SPAG16: variants seen among roughly 807,000 people sequenced by gnomAD.
SPAG16 encodes the protein sperm associated antigen 16.
SPAG16 carries 86 observed loss-of-function variants against 80.4 expected under a neutral mutation model. The ratio of observed to expected loss-of-function variants is 1.07; its 90% confidence interval spans 0.90 to 1.28. SPAG16 has a LOEUF of 1.28. Ranked by LOEUF, SPAG16 falls within the 50% of genes most tolerant of loss-of-function variation. The pLI, the probability that SPAG16 is intolerant of heterozygous loss-of-function variation, is 0.00. For synonymous variants in SPAG16, 294 were observed against 265.9 expected (o/e 1.11, Z -1.03); for missense variants, 870 against 765.3 (o/e 1.14, Z -1.61).
At chr2:213,980,759 G>GAGAGAGA (rs2045703363) in intron 12 of SPAG16, among the ~76,000 whole-genome samples, 1 of 140,090 alleles carries the variant, frequency 7.1e-6, no homozygotes, top group African/African-American at 2.7e-5. Flanking sequence ...GAGAGAGAGA[G>GAGAGAGA]TAAGCTGGGT....
At chr2:214,217,564 TC>T (rs1192976101) in intron 15 of SPAG16, among the ~76,000 whole-genome samples, 4 of 152,192 alleles carry the variant, frequency 2.6e-5, no homozygotes, top group African/African-American at 9.7e-5. Flanking sequence ...ATCCCACCAC[TC>T]TTAAGAGTAC....
chr2:213,496,015 G>A (rs1207019079), intron 10 of SPAG16, among the ~76,000 whole-genome samples: 1 of 152,120 alleles, frequency 6.6e-6, no homozygotes, highest in African/African-American at 2.4e-5. Context: ...TGTCAGGAAG[G>A]TATTAGAGGA....
At chr2:213,288,614 C>A (rs983212404) in intron 1 of SPAG16, among the ~76,000 whole-genome samples, 3 of 151,656 alleles carry the variant, frequency 2.0e-5, no homozygotes, top group African/African-American at 7.3e-5. Context: ...CCTGTCCTTT[C>A]CTTTTTTTAA....
chr2:214,234,079 C>CG (rs34522209), intron 15 of SPAG16, among the ~76,000 whole-genome samples: 9 of 151,268 alleles, frequency 5.9e-5, no homozygotes, highest in East Asian at 1.9e-4. Context: ...TTGTTTCCCC[C>CG]CCCATGTGTC....
intron 12 of SPAG16, among the ~76,000 whole-genome samples, chr2:214,012,546 C>T (rs1226194501): frequency 2.0e-5 from 3 of 151,640 alleles, no homozygotes; most frequent in Non-Finnish European, 2.9e-5. Flanking sequence ...TCTCCTGCCT[C>T]GGCCTCCCAA....
chr2:214,404,539 G>A (rs1275310948), intron 15 of SPAG16, among the ~76,000 whole-genome samples: 1 of 152,116 alleles, frequency 6.6e-6, no homozygotes, highest in Non-Finnish European at 1.5e-5. Flanking sequence ...AGATTTAAAA[G>A]TAAAAATATG....
chr2:214,354,559 G>T (rs1298261740), intron 15 of SPAG16, among the ~76,000 whole-genome samples: 1 of 152,076 alleles, frequency 6.6e-6, no homozygotes, highest in Non-Finnish European at 1.5e-5. Context: ...GCTTGATGGG[G>T]ATGGCATTGA....
intron 10 of SPAG16, among the ~76,000 whole-genome samples, chr2:213,593,935 C>A (rs553407880): frequency 2.0e-5 from 3 of 151,276 alleles, no homozygotes; most frequent in South Asian, 4.2e-4. Context: ...CCACCACGCC[C>A]GGCTAATTTT....
At chr2:214,370,347 A>T (rs1699731452) in intron 15 of SPAG16, among the ~76,000 whole-genome samples, 1 of 152,172 alleles carries the variant, frequency 6.6e-6, no homozygotes. Flanking sequence ...TCCTTAATCC[A>T]GTCTCTACCA....
intron 15 of SPAG16, among the ~76,000 whole-genome samples, chr2:214,245,187 C>A (rs974285800): frequency 6.6e-6 from 1 of 152,180 alleles, no homozygotes; most frequent in African/African-American, 2.4e-5. Context: ...TCTGACTATA[C>A]AGCAGCATTC....
At chr2:214,163,917 C>T (rs976938136) in intron 15 of SPAG16, among the ~76,000 whole-genome samples, 1 of 151,890 alleles carries the variant, frequency 6.6e-6, no homozygotes, top group African/African-American at 2.4e-5. Flanking sequence ...CTGCTTTACC[C>T]AAAGTCTGTG....
At chr2:214,274,968 T>C (rs1692345443) in intron 15 of SPAG16, among the ~76,000 whole-genome samples, 1 of 152,202 alleles carries the variant, frequency 6.6e-6, no homozygotes. Flanking sequence ...TTGCCTCAAT[T>C]TCATGGCCTG....
chr2:214,160,774 C>T (rs1437806660), intron 15 of SPAG16, among the ~76,000 whole-genome samples: 1 of 152,024 alleles, frequency 6.6e-6, no homozygotes, highest in Non-Finnish European at 1.5e-5. Flanking sequence ...CATGTTCTTA[C>T]ATTTTACCCA....
chr2:214,147,858 T>A (rs1379440397), intron 14 of SPAG16, among the ~76,000 whole-genome samples: 1 of 152,056 alleles, frequency 6.6e-6, no homozygotes, highest in African/African-American at 2.4e-5. Flanking sequence ...AAACAATGAG[T>A]CCACTTGAAC....
intron 10 of SPAG16, among the ~76,000 whole-genome samples, chr2:213,573,681 G>A (rs562275364): frequency 2.0e-5 from 3 of 152,208 alleles, no homozygotes; most frequent in African/African-American, 7.2e-5. Flanking sequence ...CTAGGTAAAT[G>A]TAAGTCCATG....
At chr2:213,614,582 G>T (rs1020673660) in intron 10 of SPAG16, among the ~76,000 whole-genome samples, 2 of 152,170 alleles carry the variant, frequency 1.3e-5, no homozygotes, top group African/African-American at 4.8e-5. Context: ...CTGGGATAGT[G>T]GATGCCGCTT....
intron 4 of SPAG16, among the ~76,000 whole-genome samples, chr2:213,312,574 A>AT (rs1382625098): frequency 2.0e-5 from 3 of 151,224 alleles, no homozygotes; most frequent in African/African-American, 7.3e-5. Context: ...CAGAGTTTAA[A>AT]TTTTTTTTCT....
chr2:213,615,527 G>A (rs568347919), intron 10 of SPAG16, among the ~76,000 whole-genome samples: 2 of 152,246 alleles, frequency 1.3e-5, no homozygotes, highest in Admixed American at 1.3e-4. Context: ...AGAGGCGGAG[G>A]TTGCAGCGAG....
intron 10 of SPAG16, among the ~76,000 whole-genome samples, chr2:213,730,842 GTTGTTTTGT>G (rs1559417422): frequency 6.6e-6 from 1 of 151,728 alleles, no homozygotes. Flanking sequence ...TCAATGTTGT[GTTGTTTTGT>G]TTGTTTGTTT....
Sources: allele counts gnomAD v4.1 joint callset (sites outside exome capture counted in the v4.1 genomes callset), GRCh38; gene constraint gnomAD v4.1.1; transcripts MANE v1.5; gene names NCBI Gene and HGNC (gene_info 2026-07-23, HGNC 2026-07-21).